Variants in C3orf38 observed in about 807,000 individuals in gnomAD.
C3orf38 encodes uncharacterized protein C3orf38.
A neutral mutation model predicts 28.3 loss-of-function variants in C3orf38; 18 were observed. That is an observed-to-expected ratio of 0.64 (90% CI 0.44 to 0.94). The LOEUF (loss-of-function observed/expected upper bound fraction) is 0.94, where lower values mean the gene tolerates loss of function less well. Among genes scored for constraint, C3orf38 ranks in the 40% least tolerant of loss-of-function variants. The pLI is 0.00. For synonymous variants in C3orf38, 145 were observed against 138.1 expected (o/e 1.05, Z -0.35); for missense variants, 364 against 396.4 (o/e 0.92, Z 0.69).
intron 1 of C3orf38, among the ~76,000 whole-genome samples, chr3:88,151,282 T>C (rs1707408356): frequency 6.6e-6 from 1 of 151,876 alleles, no homozygotes; most frequent in Non-Finnish European, 1.5e-5. Context: ...GAAACAGAAG[T>C]TGTCTTTTCT....
At position 88,150,003 on chromosome 3, in the gene C3orf38, G is replaced by A. The variant is rs547554987; in HGVS notation, c.-50G>A. ...TCTGTTGCCAGGCGCGGGCCCAGTG[G>A]GCCGTAGGGGCGACATTGTTGCCGT... On this transcript the variant is annotated 5_prime_UTR_variant, in exon 1 of 3. Transcript: ENST00000318887. The A allele has an allele frequency of 3.4e-5, 55 of 1,610,510 alleles. No individual in the cohort carries two copies. The South Asian group carries it at 4.8e-4, about 14-fold the overall frequency.
At chr3:88,150,277 C>T (rs1293935637) in intron 1 of C3orf38, 92 bp downstream of exon 1, 2 of 1,461,682 alleles carry the variant, frequency 1.4e-6, no homozygotes, top group South Asian at 1.2e-5. Flanking sequence ...ATGTTGGCCG[C>T]AGCCGCAGAT....
In C3orf38 at chr3:88,150,139, A is replaced by C. The variant is rs960551850; in HGVS notation, c.87A>C (p.Leu29=). The stretch of plus-strand genomic sequence containing the variant: ...TGGACAACGACGAGATCATGGCCCT[A>C]TGCGACACTGTCACCAACCGCCTGG... ...GLLDNDEIMA[L]CDTVTNRLVQ... Residue 29 remains leucine (L), a synonymous_variant, in exon 1 of 3, where the codon CTA becomes CTC. Transcript: ENST00000318887. 1 of 1,614,108 alleles carries C rather than the reference A, an allele frequency of 6.2e-7. No homozygotes were observed.
rs566823081 is a variant in C3orf38 at position 88,156,862 on chromosome 3, C to G, written c.*227C>G. On this transcript the variant is annotated 3_prime_UTR_variant, in exon 3 of 3. Coordinates refer to ENST00000318887, the MANE Select transcript of C3orf38 (RefSeq NM_173824.4). ...ATGTGAATACTTACCTATTTCTACC[C>G]GAGTTGCAGCAAGTATTCTGAAAGC... 2.1e-4 allele frequency: 95 copies of G among 442,222 alleles called. No homozygotes were observed. In the East Asian group the frequency reaches 3.4e-3, roughly 16 times the overall value. The allele number at this position is 442,222 out of a possible 1,614,324, so 27.4% of individuals were successfully genotyped here.
intron 2 of C3orf38, among the ~76,000 whole-genome samples, chr3:88,153,759 G>A (rs887521123): frequency 8.6e-5 from 13 of 151,694 alleles, no homozygotes; most frequent in African/African-American, 3.2e-4. Context: ...TTTTTGGTAG[G>A]GATAGGGTCC....
chr3:88,155,918 C>A, intron 2 of C3orf38, 103 bp from the exon 3 acceptor site: 1 of 841,604 alleles, frequency 1.2e-6, no homozygotes, highest in Non-Finnish European at 1.7e-6. Flanking sequence ...TCATTTCTCT[C>A]TGGTGTAATG....
At position 88,156,314 on chromosome 3, in the gene C3orf38, A is replaced by G. The variant is rs750972009; in HGVS notation, c.669A>G (p.Lys223=). The stretch of plus-strand genomic sequence containing the variant: ...CCAACCTAGATTCACATGGACTGAA[A>G]TGTGCATCTTCTCCTCATGGGCTGG... ...LSPNLDSHGL[K]CASSPHGLVM... is the part of the protein sequence containing the mutation. Residue 223 remains lysine, a synonymous_variant, in exon 3 of 3, where the codon AAA becomes AAG. Coordinates refer to ENST00000318887, the MANE Select transcript of C3orf38 (RefSeq NM_173824.4). The G allele has an allele frequency of 5.6e-6, 9 of 1,614,094 alleles. No homozygotes were observed. The highest frequency in any genetic ancestry group is 7.6e-6 in the Non-Finnish European group (9 of 1,180,052).
chr3:88,150,036 C>A lies in C3orf38; in HGVS notation c.-17C>A, dbSNP rs934127308. 2.0e-5 allele frequency: 29 copies of A among 1,470,360 alleles called. No homozygotes were observed. Among genetic ancestry groups the A allele is most frequent in the Non-Finnish European group, 2.5e-5 (28 of 1,108,810 alleles). The allele number at this position is 1,470,360 out of a possible 1,614,324, so 91.1% of individuals were successfully genotyped here. On this transcript the variant is annotated 5_prime_UTR_variant, in exon 1 of 3. Transcript: ENST00000318887. Reference sequence around the variant, plus strand: ...GGGCGACATTGTTGCCGTTGTCTTTCCCCCCCAGTCCCGGGGATGGAGATG... The same window carrying A: ...GGGCGACATTGTTGCCGTTGTCTTTACCCCCCAGTCCCGGGGATGGAGATG...
At chr3:88,152,985 T>G (rs1463143264) in intron 1 of C3orf38, among the ~76,000 whole-genome samples, 1 of 152,206 alleles carries the variant, frequency 6.6e-6, no homozygotes, top group Non-Finnish European at 1.5e-5. Context: ...GAGGAAATGC[T>G]AAACTTTCAC....
In C3orf38 at chr3:88,157,381, A is replaced by C. The variant is rs6781333; in HGVS notation, c.*746A>C. The stretch of plus-strand genomic sequence containing the variant: ...GACTTTATTCTTACCTAGGCTTCAG[A>C]CAACAGTTTTATAGAGCAGTTACTG... On this transcript the variant is annotated 3_prime_UTR_variant, in exon 3 of 3. Transcript: ENST00000318887. The C allele has an allele frequency of 0.78, 119,149 of 152,080 alleles. 47,598 individuals carry two copies. Among genetic ancestry groups the C allele is most frequent in the South Asian group, 0.91 (4,391 of 4,830 alleles). The allele number at this position is 152,080 out of a possible 1,614,324, so 9.4% of individuals were successfully genotyped here. A position where few individuals can be genotyped will look rare whatever the true frequency, so the allele number is the denominator to read the frequency against.
At chr3:88,150,753 TA>T (rs1707399015) in intron 1 of C3orf38, 2 of 152,210 alleles carry the variant, frequency 1.3e-5, no homozygotes, top group Non-Finnish European at 2.9e-5. Context: ...GACTAGTCCA[TA>T]TAAAAATGTA....
intron 1 of C3orf38, among the ~76,000 whole-genome samples, chr3:88,151,942 A>G (rs982904542): frequency 1.3e-5 from 2 of 152,174 alleles, no homozygotes; most frequent in Admixed American, 1.3e-4. Context: ...CATTTAGGAT[A>G]GTAGCTACTC....
In C3orf38 at chr3:88,156,278, T is replaced by G. The variant is rs776661550; in HGVS notation, c.633T>G (p.Leu211=). The change falls in exon 3 of 3, where the codon CTT becomes CTG. Residue 211 remains leucine, a synonymous_variant. Transcript: ENST00000318887. ...RLLSLVKEEF[L]FLSPNLDSHG... ...TGTCACTAGTAAAAGAAGAATTTCT[T>G]TTTCTCAGCCCCAACCTAGATTCAC... The G allele has an allele frequency of 1.9e-6, 3 of 1,614,162 alleles. No individual in the cohort carries two copies. Among genetic ancestry groups the G allele is most frequent in the South Asian group, 1.1e-5 (1 of 91,078 alleles).
At chr3:88,155,523 AT>A (rs1197031145) in intron 2 of C3orf38, among the ~76,000 whole-genome samples, 2 of 146,000 alleles carry the variant, frequency 1.4e-5, no homozygotes, top group Admixed American at 7.0e-5. Context: ...CAGTGATGCT[AT>A]CTTGGCTCAC....
Position 88,157,865 on chromosome 3 carries a change from T to C in C3orf38, c.*1230T>C, listed in dbSNP as rs1444502959. The C allele has an allele frequency of 6.6e-6, 1 of 152,148 alleles. No individual in the cohort carries two copies. Among genetic ancestry groups the C allele is most frequent in the South Asian group, 2.1e-4 (1 of 4,826 alleles). 9.4% of individuals were successfully genotyped at this position (152,148 alleles called of 1,614,324 possible). ...TTGGAAATGGGAGCCTGGAAACTCA[T>C]CTTTGTTTTTTTAATGCTATGCCTC... On this transcript the variant is annotated 3_prime_UTR_variant, in exon 3 of 3. Transcript: ENST00000318887.
In C3orf38 at chr3:88,149,974, G is replaced by T. The variant is rs1707379869; in HGVS notation, c.-79G>T. The stretch of plus-strand genomic sequence containing the variant: ...GGAGAACAACAAGAAAGGCACTTCC[G>T]GTGTCTGTTGCCAGGCGCGGGCCCA... On this transcript the variant is annotated 5_prime_UTR_variant, in exon 1 of 3. Coordinates refer to ENST00000318887, the MANE Select transcript of C3orf38 (RefSeq NM_173824.4). 6.4e-7 allele frequency: 1 copy of T among 1,573,220 alleles called. No individual in the cohort carries two copies.
rs1374470637 is a variant in C3orf38, at chr3:88,156,458, C to T, written c.813C>T (p.Ile271=). 7 of 1,614,152 alleles carry T rather than the reference C, an allele frequency of 4.3e-6. No homozygotes were observed. Among genetic ancestry groups the T allele is most frequent in the Admixed American group, 3.3e-5 (2 of 60,022 alleles). ...FVENTWKIKF[I]NLKIMGESSL... ...AGAATACTTGGAAAATCAAATTTAT[C>T]AACCTGAAAATTATGGGAGAGAGTT... The change falls in exon 3 of 3, where the codon ATC becomes ATT. Residue 271 remains isoleucine (I), a synonymous_variant. Transcript: ENST00000318887.
chr3:88,153,352 A>G lies in C3orf38; in HGVS notation c.256A>G (p.Thr86Ala), dbSNP rs377032299. Residue 86 changes from threonine (T) to alanine (A), a missense_variant, in exon 2 of 3, where the codon ACT (threonine) becomes GCT (alanine). Thr to Ala is a moderately conservative substitution (Grantham distance 58). Transcript: ENST00000318887. ...ATQGIVIPPA[T>A]EKHNLIQHAK... ...ACAGGGGATTGTTATACCTCCAGCT[A>G]CTGAAAAACACAATCTTATTCAGCA... is the stretch of plus-strand genomic sequence containing the variant. 12 of 1,614,114 alleles carry G rather than the reference A, an allele frequency of 7.4e-6. No homozygotes were observed. Among genetic ancestry groups the G allele is most frequent in the Non-Finnish European group, 1.0e-5 (12 of 1,180,016 alleles).
In C3orf38 at chr3:88,156,967, G is replaced by T; in HGVS notation, c.*332G>T. On this transcript the variant is annotated 3_prime_UTR_variant, in exon 3 of 3. Transcript: ENST00000318887. ...CCAGGTAATATTTTCCTTTTACTTA[G>T]TGAATATTCTGCTAATATCTGCACT... 1 of 216,326 alleles carries T rather than the reference G, an allele frequency of 4.6e-6. No homozygotes were observed. The highest frequency in any genetic ancestry group is 9.2e-6 in the Non-Finnish European group (1 of 109,106). The allele number at this position is 216,326 out of a possible 1,614,324, so 13.4% of individuals were successfully genotyped here. A position where few individuals can be genotyped will look rare whatever the true frequency, so the allele number is the denominator to read the frequency against.
Sources: allele counts gnomAD v4.1 joint callset (sites outside exome capture counted in the v4.1 genomes callset), GRCh38; gene constraint gnomAD v4.1.1; transcripts MANE v1.5; gene names NCBI Gene and HGNC (gene_info 2026-07-23, HGNC 2026-07-21).